The following SUGT1 variants were observed in gnomAD, a reference collection of about 807,000 sequenced individuals.
SUGT1 encodes SGT1 assembly cochaperone of MIS12 kinetochore complex.
SUGT1 carries 15 observed loss-of-function variants against 56.1 expected under a neutral mutation model. The observed-to-expected ratio is 0.27, with a 90% CI of 0.18 to 0.41. The LOEUF is 0.41. SUGT1 is among the 10% of genes least tolerant of loss of function. The pLI, the probability that SUGT1 is intolerant of heterozygous loss-of-function variation, is 1.00. For synonymous variants in SUGT1, 123 were observed against 128.6 expected, an observed-to-expected ratio of 0.96 and a Z score of 0.30; for missense variants, 347 against 382.2, an observed-to-expected ratio of 0.91 and a Z score of 0.77.
chr13:52,692,989 G>C lies in SUGT1; in HGVS notation c.*5154G>C, dbSNP rs191247507. 10 of 152,208 alleles carry C rather than the reference G, an allele frequency of 6.6e-5. No individual in the cohort carries two copies. The East Asian group carries it at 1.9e-3, about 29-fold the overall frequency. The allele number at this position is 152,208 out of a possible 1,614,324, so 9.4% of individuals were successfully genotyped here. On this transcript the variant is annotated 3_prime_UTR_variant, in exon 13 of 13. Coordinates refer to ENST00000310528, the MANE Select transcript of SUGT1 (RefSeq NM_006704.5). ...TGGGAGCTCTCATACCAGTTCCGTTGTACAAATGCTGAGATTGTTTCAAGG... is the reference window on the plus strand; with the variant it reads ...TGGGAGCTCTCATACCAGTTCCGTTCTACAAATGCTGAGATTGTTTCAAGG...
chr13:52,662,983 G>A, intron 6 of SUGT1, 113 bp from the exon 7 acceptor site: 1 of 1,194,050 alleles, frequency 8.4e-7, no homozygotes, highest in Non-Finnish European at 1.2e-6. Context: ...TAGTTGAAAG[G>A]TACGGAGAAT....
In SUGT1 at chr13:52,695,477, C is replaced by G. The variant is rs946259685; in HGVS notation, c.*7642C>G. 1 of 152,130 alleles carries G rather than the reference C, an allele frequency of 6.6e-6. No individual in the cohort carries two copies. The highest frequency in any genetic ancestry group is 6.5e-5 in the Admixed American group (1 of 15,284). 9.4% of individuals were successfully genotyped at this position (152,130 alleles called of 1,614,324 possible). On this transcript the variant is annotated 3_prime_UTR_variant, in exon 13 of 13. Coordinates refer to ENST00000310528, the MANE Select transcript of SUGT1 (RefSeq NM_006704.5). ...TTTTATAACACTGGATGATAATTAA[C>G]CCTCAGGATTGTGAGGATTTAATAA...
rs1963689839 is a variant in SUGT1, at chr13:52,688,954, CTTTGT to C, written c.*1123_*1127del. 6.6e-6 allele frequency: 1 copy of C among 152,108 alleles called. No homozygotes were observed. The highest frequency in any genetic ancestry group is 2.1e-4 in the South Asian group (1 of 4,830). 9.4% of individuals were successfully genotyped at this position (152,108 alleles called of 1,614,324 possible). A position where few individuals can be genotyped will look rare whatever the true frequency, so the allele number is the denominator to read the frequency against. ...GACTATGGATGACCTGTAGATCTGA[CTTTGT>C]TTTCTCACCATGATTTTCTCAACTG... On this transcript the variant is annotated 3_prime_UTR_variant, in exon 13 of 13. Coordinates refer to ENST00000310528, the MANE Select transcript of SUGT1 (RefSeq NM_006704.5).
Position 52,658,486 on chromosome 13 carries a change from T to G in SUGT1, c.257+18T>G. On this transcript the variant is annotated intron_variant, in intron 4 of 12. Coordinates refer to ENST00000310528, the MANE Select transcript of SUGT1 (RefSeq NM_006704.5). ...AGAAAAGGGTATGCAGTAGCTACTC[T>G]TCTTGTTGAGCTTGGTATAGATAGT... The G allele has an allele frequency of 3.1e-6, 5 of 1,603,596 alleles. No individual in the cohort carries two copies. In the African/African-American group the frequency reaches 4.0e-5, roughly 13 times the overall value.
intron 10 of SUGT1, among the ~76,000 whole-genome samples, chr13:52,667,888 C>T (rs1962781024): frequency 6.6e-6 from 1 of 151,932 alleles, no homozygotes; most frequent in African/African-American, 2.4e-5. Flanking sequence ...ACTCTGGAGT[C>T]CTTTCAGCTG....
At position 52,694,100 on chromosome 13, in the gene SUGT1, G is replaced by A. The variant is rs1963856694; in HGVS notation, c.*6265G>A. ...GGAAAGCAAAACCATGGATAAAGGG[G>A]AACTATTAATAGTCTATCTGTATTG... On this transcript the variant is annotated 3_prime_UTR_variant, in exon 13 of 13. Transcript: ENST00000310528. The A allele has an allele frequency of 6.6e-6, 1 of 152,170 alleles. No homozygotes were observed. The highest frequency in any genetic ancestry group is 1.5e-5 in the Non-Finnish European group (1 of 68,040). 9.4% of individuals were successfully genotyped at this position (152,170 alleles called of 1,614,324 possible).
rs1963317483 is a variant in SUGT1 at position 52,680,225 on chromosome 13, A to C, written c.900+70A>C. 9 of 1,438,056 alleles carry C rather than the reference A, an allele frequency of 6.3e-6. No individual in the cohort carries two copies. In the South Asian group the frequency reaches 1.2e-4, roughly 20 times the overall value. The allele number at this position is 1,438,056 out of a possible 1,614,324, so 89.1% of individuals were successfully genotyped here. A position where few individuals can be genotyped will look rare whatever the true frequency, so the allele number is the denominator to read the frequency against. ...CATATTTTAAACGAGAAAATTGGTA[A>C]TGTGAGACCAAATTGCGTGTACTAT... On this transcript the variant is annotated intron_variant, in intron 12 of 12. Transcript: ENST00000310528.
rs747153686 is a variant in SUGT1, at chr13:52,699,522, AG to A, written c.*11690del. 4.6e-5 allele frequency: 7 copies of A among 152,218 alleles called. No homozygotes were observed. The highest frequency in any genetic ancestry group is 7.3e-5 in the Non-Finnish European group (5 of 68,042). 9.4% of individuals were successfully genotyped at this position (152,218 alleles called of 1,614,324 possible). On this transcript the variant is annotated 3_prime_UTR_variant, in exon 13 of 13. Coordinates refer to ENST00000310528, the MANE Select transcript of SUGT1 (RefSeq NM_006704.5). ...GAGTAGGCCGAGTAGAATTTGTGTT[AG>A]GGCACATCCCATGGAGATCTTTTTT... is the stretch of plus-strand genomic sequence containing the variant.
intron 5 of SUGT1, among the ~76,000 whole-genome samples, chr13:52,661,970 A>T (rs552086229): frequency 6.6e-6 from 1 of 152,210 alleles, no homozygotes. Flanking sequence ...ATATCTTACT[A>T]TGCACTGTGA....
Position 52,693,985 on chromosome 13 carries a change from T to TA in SUGT1, c.*6151dup, listed in dbSNP as rs1963852886. 6.6e-6 allele frequency: 1 copy of TA among 152,186 alleles called. No homozygotes were observed. The highest frequency in any genetic ancestry group is 2.4e-5 in the African/African-American group (1 of 41,430). The allele number at this position is 152,186 out of a possible 1,614,324, so 9.4% of individuals were successfully genotyped here. ...AGTTTATAAATTAGGCACAGTAAGA[T>TA]ATTAATAATAGAATATACAATATAC... On this transcript the variant is annotated 3_prime_UTR_variant, in exon 13 of 13. Transcript: ENST00000310528.
Position 52,687,731 on chromosome 13 carries a change from C to T in SUGT1, c.901-3C>T, listed in dbSNP as rs774173666. The T allele has an allele frequency of 7.0e-6, 11 of 1,568,690 alleles. No homozygotes were observed. The highest frequency in any genetic ancestry group is 2.1e-5 in the Admixed American group (1 of 48,538). ...ATTAATCTATTTTTATTTTTCATTG[C>T]AGATGGAGTCGGGTGGTACAGTTTT... On this transcript the variant is annotated splice_polypyrimidine_tract_variant and splice_region_variant and intron_variant, in intron 12 of 12. Coordinates refer to ENST00000310528, the MANE Select transcript of SUGT1 (RefSeq NM_006704.5).
intron 12 of SUGT1, among the ~76,000 whole-genome samples, chr13:52,684,638 G>A (rs559135112): frequency 2.0e-5 from 3 of 151,824 alleles, no homozygotes; most frequent in Non-Finnish European, 2.9e-5. Flanking sequence ...TCCTGGGCTC[G>A]AGTAATCCTC....
rs755032914 is a variant in SUGT1 at position 52,666,928 on chromosome 13, A to C, written c.627+9A>C. Reference sequence around the variant, plus strand: ...AAGTACTTTCAACAAAGGTAAGACCATTGAAAAGTTTGTTACTAGTAATAT... The same window carrying C: ...AAGTACTTTCAACAAAGGTAAGACCCTTGAAAAGTTTGTTACTAGTAATAT... On this transcript the variant is annotated intron_variant, in intron 10 of 12. Transcript: ENST00000310528. 1 of 1,585,834 alleles carries C rather than the reference A, an allele frequency of 6.3e-7. No individual in the cohort carries two copies. The highest frequency in any genetic ancestry group is 8.6e-7 in the Non-Finnish European group (1 of 1,161,932).
In SUGT1 at chr13:52,665,986, C is replaced by A. The variant is rs7335270; in HGVS notation, c.519+253C>A. 0.96 allele frequency among the ~76,000 whole-genome samples: 145,766 copies of A among 152,362 alleles called. 69,746 individuals are homozygous for A. The highest frequency in any genetic ancestry group is 0.99 in the East Asian group (5,144 of 5,188). On this transcript the variant is annotated intron_variant, in intron 9 of 12. Transcript: ENST00000310528. The stretch of plus-strand genomic sequence containing the variant: ...TTGGTTATATTAGTAAGATAATGTG[C>A]TTTGGTTATACTTGTGTGGTGTACT...
rs537900963 is a variant in SUGT1 at position 52,662,989 on chromosome 13, A to C, written c.383-107A>C. 2.9e-5 allele frequency: 37 copies of C among 1,260,896 alleles called. No individual in the cohort carries two copies. In the South Asian group the frequency reaches 3.8e-4, roughly 13 times the overall value. The allele number at this position is 1,260,896 out of a possible 1,614,324, so 78.1% of individuals were successfully genotyped here. On this transcript the variant is annotated intron_variant, in intron 6 of 12. Transcript: ENST00000310528. ...ACTTTTCTTTAGTTGAAAGGTACGG[A>C]GAATTTGCTTGCTTAATCAGTATGT...
intron 11 of SUGT1, among the ~76,000 whole-genome samples, chr13:52,679,018 T>C (rs1963261905): frequency 6.6e-6 from 1 of 152,180 alleles, no homozygotes; most frequent in Admixed American, 6.6e-5. Flanking sequence ...CTATATTTGA[T>C]ATATCAGGTT....
chr13:52,664,338 A>C (rs1020708575), intron 8 of SUGT1, among the ~76,000 whole-genome samples: 7 of 152,176 alleles, frequency 4.6e-5, no homozygotes, highest in East Asian at 3.8e-4. Flanking sequence ...CTTCCAGTTA[A>C]GTTTATGTTA....
chr13:52,686,192 T>C (rs147624641), intron 12 of SUGT1, among the ~76,000 whole-genome samples: 2,342 of 152,132 alleles, frequency 0.015, 60 homozygotes, highest in African/African-American at 0.053. Context: ...CCTCCCAAAA[T>C]GCTGGAATTA....
chr13:52,665,412 T>A (rs1228730089), intron 8 of SUGT1, among the ~76,000 whole-genome samples: 1 of 152,190 alleles, frequency 6.6e-6, no homozygotes, highest in East Asian at 1.9e-4. Flanking sequence ...TGCAAGTATT[T>A]AAGTCTACTG....
Sources: gnomAD v4.1 joint callset for allele counts (sites outside exome capture counted in the v4.1 genomes callset) on GRCh38, gnomAD v4.1.1 for gene constraint, MANE v1.5 for transcripts, NCBI Gene and HGNC (gene_info 2026-07-23, HGNC 2026-07-21) for gene names.